Variants in GFOD2 observed in about 807,000 individuals in gnomAD.
The protein encoded by GFOD2 is glucose-fructose oxidoreductase domain-containing protein 2.
GFOD2 carries 9 observed loss-of-function variants against 24.6 expected under a neutral mutation model. That is an observed-to-expected ratio of 0.37 (90% CI 0.22 to 0.64). GFOD2 has a LOEUF of 0.64. Ranked by LOEUF, GFOD2 falls within the 30% of genes least tolerant of loss-of-function variation. GFOD2 has a pLI of 0.65. For synonymous variants in GFOD2, 211 were observed against 224.8 expected, an observed-to-expected ratio of 0.94 and a Z score of 0.55; for missense variants, 476 against 532.5, an observed-to-expected ratio of 0.89 and a Z score of 1.04.
Position 67,685,535 on chromosome 16 carries a change from A to G in GFOD2, c.181T>C (p.Leu61=). The part of the protein sequence containing the change: ...AFYTSRTDDI[L]LHQDVDLVCI... ...ACCAGATCCACATCTTGATGCAGCA[A>G]GATGTCATCAGTCCGGCTGGTGTAG... Residue 61 remains leucine (L), a synonymous_variant, in exon 2 of 3, where the codon TTG becomes CTG. Coordinates refer to ENST00000268797, the MANE Select transcript of GFOD2 (RefSeq NM_030819.4). 6.2e-7 allele frequency: 1 copy of G among 1,614,160 alleles called. No homozygotes were observed.
chr16:67,696,316 A>C (rs1342739104), intron 1 of GFOD2, among the ~76,000 whole-genome samples: 1 of 149,506 alleles, frequency 6.7e-6, no homozygotes, highest in East Asian at 2.0e-4. Context: ...CCCGGCCGGG[A>C]ATCTTTTTTT....
intron 1 of GFOD2, among the ~76,000 whole-genome samples, chr16:67,689,323 G>A (rs2053293932): frequency 6.6e-6 from 1 of 150,772 alleles, no homozygotes; most frequent in Non-Finnish European, 1.5e-5. Context: ...ACAGGCGTGA[G>A]CCACCACGCC....
At chr16:67,679,511 G>A (rs1216029034) in intron 2 of GFOD2, among the ~76,000 whole-genome samples, 4 of 152,012 alleles carry the variant, frequency 2.6e-5, no homozygotes, top group South Asian at 4.1e-4. Context: ...GCTGGGGCGT[G>A]AGCCACCGCG....
chr16:67,688,080 T>A (rs1390364817), intron 1 of GFOD2, among the ~76,000 whole-genome samples: 1 of 152,086 alleles, frequency 6.6e-6, no homozygotes, highest in Non-Finnish European at 1.5e-5. Flanking sequence ...AGTAATGGGT[T>A]AGATAAAGAA....
chr16:67,717,396 G>A (rs894974965), intron 1 of GFOD2, among the ~76,000 whole-genome samples: 2 of 152,194 alleles, frequency 1.3e-5, no homozygotes, highest in Admixed American at 1.3e-4. Context: ...TAATTTTTAA[G>A]TTTTGGGTCA....
chr16:67,702,592 ATTTT>A (rs561204882), intron 1 of GFOD2, among the ~76,000 whole-genome samples: 32 of 104,700 alleles, frequency 3.1e-4, no homozygotes, highest in African/African-American at 8.3e-4. Flanking sequence ...GGTAGCCAGG[ATTTT>A]TTTTTTTTTT....
At chr16:67,716,316 G>A (rs2053506479) in intron 1 of GFOD2, among the ~76,000 whole-genome samples, 1 of 152,146 alleles carries the variant, frequency 6.6e-6, no homozygotes, top group Admixed American at 6.5e-5. Context: ...TATGATAACT[G>A]CCCTCAGCTG....
intron 2 of GFOD2, chr16:67,676,463 G>GT (rs1475427648): frequency 1.1e-5 from 2 of 185,778 alleles, no homozygotes; most frequent in African/African-American, 4.8e-5. Flanking sequence ...TATTGGTTCT[G>GT]TTTCTCTGGA....
At chr16:67,704,249 C>A (rs886116643) in intron 1 of GFOD2, among the ~76,000 whole-genome samples, 1 of 152,188 alleles carries the variant, frequency 6.6e-6, no homozygotes, top group Non-Finnish European at 1.5e-5. Context: ...TGTTTACCAG[C>A]TGAGATAATT....
At chr16:67,707,880 A>G (rs1297507000) in intron 1 of GFOD2, among the ~76,000 whole-genome samples, 2 of 152,122 alleles carry the variant, frequency 1.3e-5, no homozygotes, top group Non-Finnish European at 2.9e-5. Context: ...TGTAGAGTGA[A>G]AGATGGCAGG....
chr16:67,679,912 C>CAACA (rs1555544949), intron 2 of GFOD2, among the ~76,000 whole-genome samples: 1 of 149,782 alleles, frequency 6.7e-6, no homozygotes, highest in African/African-American at 2.5e-5. Flanking sequence ...ACAACAACAA[C>CAACA]AAAAAAAAAC....
At position 67,675,273 on chromosome 16, in the gene GFOD2, A is replaced by G. The variant is rs770513696; in HGVS notation, c.1040T>C (p.Val347Ala). The G allele has an allele frequency of 6.2e-7, 1 of 1,612,808 alleles. No homozygotes were observed. Among genetic ancestry groups the G allele is most frequent in the African/African-American group, 1.3e-5 (1 of 74,898 alleles). Residue 347 changes from valine to alanine, a missense_variant, in exon 3 of 3, where the codon GTG becomes GCG. Coordinates refer to ENST00000268797, the MANE Select transcript of GFOD2 (RefSeq NM_030819.4). ...SFEDGLYMQSVVDAIKRSSRS... is the reference protein window; with the variant it reads ...SFEDGLYMQSAVDAIKRSSRS... ...GCTCGACCTCTTGATGGCATCCACC[A>G]CGCTCTGCATGTACAGCCCATCCTC...
rs2053173294 is a variant in GFOD2, at chr16:67,675,155, T to C, written c.1158A>G (p.Ter386TrpextTer35). The change falls in exon 3 of 3, where the codon TGA becomes TGG. Residue 386 changes from the stop codon to tryptophan, a stop_lost. Coordinates refer to ENST00000268797, the MANE Select transcript of GFOD2 (RefSeq NM_030819.4). ...LCEALQRNNL[*>W] ...TGTGGCAAGGAGCCCAGGTGCAGGC[T>C]CATAGGTTGTTCCGCTGAAGTGCCT... 6.2e-7 allele frequency: 1 copy of C among 1,609,470 alleles called. No individual in the cohort carries two copies. The highest frequency in any genetic ancestry group is 8.5e-7 in the Non-Finnish European group (1 of 1,177,482).
At chr16:67,690,013 C>A (rs1372092061) in intron 1 of GFOD2, among the ~76,000 whole-genome samples, 1 of 152,176 alleles carries the variant, frequency 6.6e-6, no homozygotes. Context: ...TAGCATATGT[C>A]AGGACTTCCT....
In GFOD2 at chr16:67,712,018, C is replaced by T. The variant is rs76241257; in HGVS notation, c.-88+7145G>A. Among the ~76,000 whole-genome samples the T allele has an allele frequency of 5.2e-3, 791 of 152,230 alleles. 4 individuals are homozygous for T. Among genetic ancestry groups the T allele is most frequent in the African/African-American group, 0.018 (744 of 41,550 alleles). On this transcript the variant is annotated intron_variant, in intron 1 of 2. Coordinates refer to ENST00000268797, the MANE Select transcript of GFOD2 (RefSeq NM_030819.4). Reference sequence around the variant, plus strand: ...TAGAATGTATCCTCCTTGAAGACAACAAATTTTTTGTCTGTTTTGTTCATT... The same window carrying T: ...TAGAATGTATCCTCCTTGAAGACAATAAATTTTTTGTCTGTTTTGTTCATT...
intron 1 of GFOD2, among the ~76,000 whole-genome samples, chr16:67,698,775 G>A (rs1196423037): frequency 2.6e-5 from 4 of 152,134 alleles, no homozygotes; most frequent in South Asian, 2.1e-4. Flanking sequence ...CACTGTGCCC[G>A]GCCTGCATTT....
At chr16:67,691,328 C>A (rs558583448) in intron 1 of GFOD2, among the ~76,000 whole-genome samples, 2 of 152,276 alleles carry the variant, frequency 1.3e-5, no homozygotes, top group East Asian at 3.9e-4. Flanking sequence ...CCACCTCAGC[C>A]TCCTGAGTAG....
At chr16:67,694,740 T>C (rs1459953012) in intron 1 of GFOD2, among the ~76,000 whole-genome samples, 3 of 152,164 alleles carry the variant, frequency 2.0e-5, no homozygotes, top group Non-Finnish European at 4.4e-5. Flanking sequence ...TACTGCTCGA[T>C]TCTATCTGAA....
At chr16:67,701,462 A>C (rs1341537914) in intron 1 of GFOD2, among the ~76,000 whole-genome samples, 2 of 152,228 alleles carry the variant, frequency 1.3e-5, no homozygotes, top group Non-Finnish European at 2.9e-5. Flanking sequence ...CAATGAACAA[A>C]TCTCAAATGC....
Sources: allele counts gnomAD v4.1 joint callset (sites outside exome capture counted in the v4.1 genomes callset), GRCh38; gene constraint gnomAD v4.1.1; transcripts MANE v1.5; gene names NCBI Gene and HGNC (gene_info 2026-07-23, HGNC 2026-07-21).